Variants in POLR3E observed in about 807,000 individuals in gnomAD.
POLR3E encodes the protein RNA polymerase III subunit E, also known as DNA-directed RNA polymerase III subunit RPC5.
A neutral mutation model predicts 96.6 loss-of-function variants in POLR3E; 41 were observed. The observed-to-expected ratio is 0.42, with a 90% CI of 0.33 to 0.55. The LOEUF (loss-of-function observed/expected upper bound fraction) is 0.55. POLR3E is among the 20% of genes least tolerant of loss of function. POLR3E has a pLI of 0.06. For synonymous variants in POLR3E, 396 were observed against 383.6 expected (o/e 1.03, Z -0.38); for missense variants, 849 against 952.1 (o/e 0.89, Z 1.43).
Position 22,328,498 on chromosome 16 carries a change from G to C in POLR3E, c.1867-12G>C. On this transcript the variant is annotated splice_polypyrimidine_tract_variant and intron_variant, in intron 18 of 20. Coordinates refer to ENST00000299853, the MANE Select transcript of POLR3E (RefSeq NM_018119.4). ...GAGATGGACAAGCAACTCACCCCTG[G>C]GCCTTGGTCAGTTTCCCCCCCAGAC... The C allele has an allele frequency of 6.2e-7, 1 of 1,612,808 alleles. No homozygotes were observed. Among genetic ancestry groups the C allele is most frequent in the Non-Finnish European group, 8.5e-7 (1 of 1,178,858 alleles).
At chr16:22,328,319 C>G (rs1351016581) in intron 18 of POLR3E, 191 bp from the exon 19 acceptor site, 2 of 597,298 alleles carry the variant, frequency 3.3e-6, no homozygotes, top group Non-Finnish European at 6.1e-6. Flanking sequence ...GTGTGCTGGC[C>G]TCCTCCCCAT....
In POLR3E at chr16:22,316,639, C is replaced by T. The variant is rs750186192; in HGVS notation, c.681C>T (p.Cys227=). Residue 227 remains cysteine (C), a synonymous_variant, in exon 10 of 21, where the codon TGC becomes TGT. Transcript: ENST00000299853. ...RSEHERQYLL[C]PGSSGVENTE... is the part of the protein sequence containing the mutation. ...AGCATGAGCGTCAGTACCTGCTGTG[C>T]CCCGGCTCAAGCGGGGTGGAGAACA... The T allele has an allele frequency of 6.2e-7, 1 of 1,614,078 alleles. No individual in the cohort carries two copies. The highest frequency in any genetic ancestry group is 1.7e-5 in the Admixed American group (1 of 60,022).
Position 22,325,927 on chromosome 16 carries a change from G to A in POLR3E, c.1515G>A (p.Glu505=). 1 of 1,597,734 alleles carries A rather than the reference G, an allele frequency of 6.3e-7. No homozygotes were observed. The highest frequency in any genetic ancestry group is 1.1e-5 in the South Asian group (1 of 89,496). ...VRIKEEPVSE[E]GEEDEEQEAE... ...TCAAGGAGGAGCCCGTGAGCGAGGA[G>A]GGCGAGGAGGACGAGGAGCAGGAGG... Residue 505 remains glutamate (E), a synonymous_variant, in exon 18 of 21, where the codon GAG becomes GAA. Coordinates refer to ENST00000299853, the MANE Select transcript of POLR3E (RefSeq NM_018119.4).
At chr16:22,314,193 G>T in intron 8 of POLR3E, 65 bp downstream of exon 8, 1 of 1,302,600 alleles carries the variant, frequency 7.7e-7, no homozygotes, top group Non-Finnish European at 1.1e-6. Flanking sequence ...AGACCAAGGG[G>T]TAGCGGGTCT....
Position 22,322,117 on chromosome 16 carries a change from G to A in POLR3E, c.987-733G>A, listed in dbSNP as rs954587952. Among the ~76,000 whole-genome samples, 3 of 152,220 alleles carry A rather than the reference G, an allele frequency of 2.0e-5. No individual in the cohort carries two copies. Among genetic ancestry groups the A allele is most frequent in the African/African-American group, 4.8e-5 (2 of 41,452 alleles). On this transcript the variant is annotated intron_variant, in intron 13 of 20. Transcript: ENST00000299853. This position sits in a 1 kb window ranked among gnomAD's most constrained non-coding sequence, Gnocchi z 5.2. ...GCGATGAGCCACATCGGCAGAGTCCGTGTCCCCACAGAGCGTGGCCTTGCA... is the reference window on the plus strand; with the variant it reads ...GCGATGAGCCACATCGGCAGAGTCCATGTCCCCACAGAGCGTGGCCTTGCA...
chr16:22,325,817 C>T lies in POLR3E; in HGVS notation c.1405C>T (p.Gln469Ter). ...GATCCAAGTAGCCAAAACCAAGGCC[C>T]AGCAGAACCACGCGTTGCTGGAGCG... Reference protein sequence around the residue: ...QRIQVAKTKAQQNHALLEREL... With the variant: ...QRIQVAKTKA Residue 469 changes from glutamine to a stop codon, truncating the protein, a stop_gained, in exon 18 of 21, where the codon CAG becomes TAG. Transcript: ENST00000299853. LOFTEE classifies it high-confidence loss of function. 1 of 1,608,558 alleles carries T rather than the reference C, an allele frequency of 6.2e-7. No individual in the cohort carries two copies. The highest frequency in any genetic ancestry group is 8.5e-7 in the Non-Finnish European group (1 of 1,177,786).
Position 22,314,098 on chromosome 16 carries a change from T to G in POLR3E, c.492T>G (p.Asp164Glu). 1.2e-6 allele frequency: 2 copies of G among 1,613,892 alleles called. No homozygotes were observed. Among genetic ancestry groups the G allele is most frequent in the Non-Finnish European group, 1.7e-6 (2 of 1,179,898 alleles). Residue 164 changes from aspartate to glutamate, a missense_variant, in exon 8 of 21, where the codon GAT becomes GAG. Physicochemically the swap from Asp to Glu is conservative, Grantham distance 45. Coordinates refer to ENST00000299853, the MANE Select transcript of POLR3E (RefSeq NM_018119.4). ...TTGCAGCAGGGGACTCTTCACAGGA[T>G]GAGGCGGAAGACGATGTTAAGCAGA... ...AANEAGDSSQ[D>E]EAEDDVKQIT...
rs149111360 is a variant in POLR3E at position 22,302,959 on chromosome 16, C to T, written c.-10C>T. 3.6e-4 allele frequency: 583 copies of T among 1,613,646 alleles called. 5 individuals carry two copies. In the Middle Eastern group the frequency reaches 0.01, roughly 28 times the overall value. The stretch of plus-strand genomic sequence containing the variant: ...GAGCTGAAGGACTGCGCGGCTGGCT[C>T]TCCTCTAGTATGGCCAATGAAGAGG... On this transcript the variant is annotated 5_prime_UTR_variant, in exon 2 of 21. Transcript: ENST00000299853.
chr16:22,319,926 C>T (rs1315763493), intron 13 of POLR3E, among the ~76,000 whole-genome samples: 1 of 152,094 alleles, frequency 6.6e-6, no homozygotes, highest in Non-Finnish European at 1.5e-5. Context: ...TACCCTTTGT[C>T]CTGCCTACAT....
chr16:22,310,622 T>TAA (rs60232148), intron 6 of POLR3E, among the ~76,000 whole-genome samples: 4,197 of 137,620 alleles, frequency 0.03, 122 homozygotes, highest in African/African-American at 0.075. Context: ...TTAAAAAGTT[T>TAA]AAAAAAAAAA....
At chr16:22,304,780 C>T (rs1395581294) in intron 2 of POLR3E, among the ~76,000 whole-genome samples, 5 of 152,170 alleles carry the variant, frequency 3.3e-5, no homozygotes, top group Non-Finnish European at 7.4e-5. Flanking sequence ...GTGGAGGGCC[C>T]AGCCAGGAGG....
intron 16 of POLR3E, 107 bp from the exon 17 acceptor site, chr16:22,325,098 G>A (rs912765069): frequency 2.0e-5 from 17 of 868,152 alleles, no homozygotes; most frequent in African/African-American, 3.3e-5. Flanking sequence ...CCAAGCCTGC[G>A]CTGTCAGTAA....
At chr16:22,325,625 T>G in intron 17 of POLR3E, 136 bp from the exon 18 acceptor site, 1 of 1,021,210 alleles carries the variant, frequency 9.8e-7, no homozygotes, top group Non-Finnish European at 1.4e-6. Flanking sequence ...CTTCCACTGA[T>G]GGGGTGGCTG....
chr16:22,311,370 C>G (rs2048242838), intron 6 of POLR3E, among the ~76,000 whole-genome samples: 1 of 149,356 alleles, frequency 6.7e-6, no homozygotes, highest in African/African-American at 2.5e-5. Flanking sequence ...CCTTCACATT[C>G]ACTCACCACT....
intron 12 of POLR3E, among the ~76,000 whole-genome samples, chr16:22,317,565 G>A (rs1180900040): frequency 6.6e-6 from 1 of 152,164 alleles, no homozygotes; most frequent in African/African-American, 2.4e-5. Flanking sequence ...GTTCCTGGGG[G>A]CCAATGTGAG....
In POLR3E at chr16:22,328,456, A is replaced by G. The variant is rs1483141965; in HGVS notation, c.1867-54A>G. Reference sequence around the variant, plus strand: ...CAGACAGGGAGGGATGAGGCAAGCAAATGGATCCATGGGGTAGAGATGGAC... The same window carrying G: ...CAGACAGGGAGGGATGAGGCAAGCAGATGGATCCATGGGGTAGAGATGGAC... On this transcript the variant is annotated intron_variant, in intron 18 of 20. Transcript: ENST00000299853. 7 of 1,464,376 alleles carry G rather than the reference A, an allele frequency of 4.8e-6. No homozygotes were observed. In the African/African-American group the frequency reaches 6.9e-5, roughly 15 times the overall value. 90.7% of individuals were successfully genotyped at this position (1,464,376 alleles called of 1,614,324 possible).
chr16:22,309,346 C>A lies in POLR3E; in HGVS notation c.282-82C>A. The A allele has an allele frequency of 7.5e-6, 8 of 1,065,984 alleles. No homozygotes were observed. In the South Asian group the frequency reaches 8.8e-5, roughly 12 times the overall value. 66.0% of individuals were successfully genotyped at this position (1,065,984 alleles called of 1,614,324 possible). A position where few individuals can be genotyped will look rare whatever the true frequency, so the allele number is the denominator to read the frequency against. On this transcript the variant is annotated intron_variant, in intron 5 of 20. Transcript: ENST00000299853. The stretch of plus-strand genomic sequence containing the variant: ...CTGGCTGTGGCACTTCAGAAAGTGT[C>A]TAGGGGGTGGGGTGCGCTGTGGCCA...
At chr16:22,301,736 G>T (rs954287755) in intron 1 of POLR3E, among the ~76,000 whole-genome samples, 1 of 151,924 alleles carries the variant, frequency 6.6e-6, no homozygotes, top group African/African-American at 2.4e-5. Context: ...GACTAACCTG[G>T]CCAACATGGC....
chr16:22,324,207 C>A, intron 14 of POLR3E, 147 bp from the exon 15 acceptor site: 1 of 629,562 alleles, frequency 1.6e-6, no homozygotes, highest in South Asian at 1.8e-5. Context: ...GAAGGGACTG[C>A]CTGAGGCCAC....
Sources: allele counts gnomAD v4.1 joint callset (sites outside exome capture counted in the v4.1 genomes callset), GRCh38; gene constraint gnomAD v4.1.1; non-coding constraint Gnocchi (gnomAD v3.1); transcripts MANE v1.5; gene names NCBI Gene and HGNC (gene_info 2026-07-23, HGNC 2026-07-21).